The following COG6 variants were observed in gnomAD, a reference collection of about 807,000 sequenced individuals.
COG6 encodes component of oligomeric golgi complex 6, also known as conserved oligomeric Golgi complex subunit 6.
COG6 carries 74 observed loss-of-function variants against 88.8 expected under a neutral mutation model. The observed-to-expected ratio is 0.83, with a 90% CI of 0.69 to 1.01. COG6 has a LOEUF of 1.01. COG6 is among the 50% of genes least tolerant of loss of function. The pLI is 0.00. For missense variants in COG6, 800 were observed against 797.9 expected (o/e 1.00, Z -0.03); for synonymous variants, 286 against 278.7 (o/e 1.03, Z -0.26).
chr13:39,785,051 A>G (rs1226417753), intron 18 of COG6, among the ~76,000 whole-genome samples: 2 of 152,212 alleles, frequency 1.3e-5, no homozygotes, highest in Non-Finnish European at 2.9e-5. Context: ...CAACCGCAAT[A>G]TGCTTCAGCC....
At chr13:39,709,743 ATG>A (rs1470065243) in intron 13 of COG6, among the ~76,000 whole-genome samples, 1 of 152,098 alleles carries the variant, frequency 6.6e-6, no homozygotes, top group Non-Finnish European at 1.5e-5. Context: ...ACAAATATAT[ATG>A]TGTTATATGT....
chr13:39,689,843 A>G lies in COG6; in HGVS notation c.1074+19A>G, dbSNP rs559929265. 1.7e-5 allele frequency: 26 copies of G among 1,515,108 alleles called. No homozygotes were observed. Among genetic ancestry groups the G allele is most frequent in the South Asian group, 1.2e-4 (11 of 88,878 alleles). The allele number at this position is 1,515,108 out of a possible 1,614,324, so 93.9% of individuals were successfully genotyped here. ...TCTAAAGGTAAAATATTTTGTTTTTACATATGCTATATGGTACCTGCTTAA... is the reference window on the plus strand; with the variant it reads ...TCTAAAGGTAAAATATTTTGTTTTTGCATATGCTATATGGTACCTGCTTAA... On this transcript the variant is annotated intron_variant, in intron 11 of 18. Transcript: ENST00000455146.
intron 13 of COG6, among the ~76,000 whole-genome samples, chr13:39,703,857 G>A (rs1247128783): frequency 6.6e-6 from 1 of 151,830 alleles, no homozygotes; most frequent in Non-Finnish European, 1.5e-5. Context: ...CTTCCAAGTA[G>A]CTGGGACTAT....
chr13:39,702,853 A>G (rs1566186640), intron 13 of COG6, among the ~76,000 whole-genome samples: 2 of 152,100 alleles, frequency 1.3e-5, no homozygotes, highest in Non-Finnish European at 2.9e-5. Flanking sequence ...AAAGATCAAT[A>G]TACAAATGTA....
chr13:39,786,812 G>T (rs1427961402), intron 18 of COG6, among the ~76,000 whole-genome samples: 1 of 152,104 alleles, frequency 6.6e-6, no homozygotes, highest in Non-Finnish European at 1.5e-5. Context: ...CTTGTTGGTT[G>T]ACTGATTGAT....
intron 11 of COG6, among the ~76,000 whole-genome samples, chr13:39,692,697 G>A (rs1253406987): frequency 6.6e-6 from 1 of 152,006 alleles, no homozygotes; most frequent in Non-Finnish European, 1.5e-5. Context: ...GGAGAGGAGA[G>A]CCACTGTTCT....
chr13:39,728,722 T>C (rs1311513838), intron 18 of COG6, among the ~76,000 whole-genome samples: 1 of 151,782 alleles, frequency 6.6e-6, no homozygotes, highest in Non-Finnish European at 1.5e-5. Context: ...CAGGCTAGAG[T>C]GCAGTGATCT....
chr13:39,707,654 A>AT (rs2138052198), intron 13 of COG6, among the ~76,000 whole-genome samples: 1 of 152,316 alleles, frequency 6.6e-6, no homozygotes, highest in African/African-American at 2.4e-5. Flanking sequence ...ATGTAAATAG[A>AT]TTCATACAGT....
At chr13:39,778,364 A>G (rs1354691578) in intron 18 of COG6, among the ~76,000 whole-genome samples, 1 of 152,226 alleles carries the variant, frequency 6.6e-6, no homozygotes, top group African/African-American at 2.4e-5. Flanking sequence ...TTAATTCATA[A>G]CAACCAATGA....
Position 39,779,982 on chromosome 13 carries a change from T to C in COG6, c.1827-8353T>C, listed in dbSNP as rs548102136. On this transcript the variant is annotated intron_variant, in intron 18 of 18. Transcript: ENST00000416691. ...AGTATTTCTTAAATTGGAAGAAACT[T>C]GCTGATGGATGAAGAATGAATAGAA... is the stretch of plus-strand genomic sequence containing the variant. 2.6e-5 allele frequency among the ~76,000 whole-genome samples: 4 copies of C among 152,334 alleles called. No homozygotes were observed. The South Asian group carries it at 8.3e-4, about 32-fold the overall frequency.
chr13:39,780,793 G>A (rs1293667278), intron 18 of COG6, among the ~76,000 whole-genome samples: 1 of 152,056 alleles, frequency 6.6e-6, no homozygotes, highest in Non-Finnish European at 1.5e-5. Context: ...CAAGGACCCG[G>A]GCAGAGAAAC....
At chr13:39,713,399 A>G (rs139076430) in intron 13 of COG6, among the ~76,000 whole-genome samples, 1 of 152,314 alleles carries the variant, frequency 6.6e-6, no homozygotes, top group Non-Finnish European at 1.5e-5. Context: ...GATTATGGTT[A>G]GTATAAAGTA....
At chr13:39,714,934 C>A (rs533170989) in intron 13 of COG6, among the ~76,000 whole-genome samples, 1 of 152,124 alleles carries the variant, frequency 6.6e-6, no homozygotes, top group Non-Finnish European at 1.5e-5. Flanking sequence ...GGCCATTATT[C>A]TAAGTGAAGC....
chr13:39,665,716 A>G (rs1875212730), intron 4 of COG6, among the ~76,000 whole-genome samples: 1 of 152,168 alleles, frequency 6.6e-6, no homozygotes, highest in South Asian at 2.1e-4. Context: ...TCATGTGTGG[A>G]GTAGTATAGG....
At chr13:39,664,025 C>G (rs4636783) in intron 3 of COG6, 102,134 of 154,382 alleles carry the variant, frequency 0.66, 33,996 homozygotes, top group Admixed American at 0.77. Context: ...TTATTGACAG[C>G]ATACCTAGAA....
chr13:39,780,538 AAAG>A (rs1479643630), intron 18 of COG6, among the ~76,000 whole-genome samples: 4 of 152,228 alleles, frequency 2.6e-5, no homozygotes, highest in Non-Finnish European at 4.4e-5. Context: ...AGAAATGACA[AAAG>A]AAACCCCATG....
At chr13:39,688,575 A>T (rs1055917320) in intron 10 of COG6, among the ~76,000 whole-genome samples, 1 of 152,042 alleles carries the variant, frequency 6.6e-6, no homozygotes, top group Non-Finnish European at 1.5e-5. Context: ...TTCATGAGAG[A>T]TGCACTCCCA....
intron 18 of COG6, among the ~76,000 whole-genome samples, chr13:39,734,407 T>G (rs992506663): frequency 8.5e-5 from 13 of 152,204 alleles, no homozygotes; most frequent in African/African-American, 1.2e-4. Flanking sequence ...TTGTATACTT[T>G]CCAAAATTAT....
At chr13:39,728,990 T>C (rs1879292168) in intron 18 of COG6, among the ~76,000 whole-genome samples, 2 of 152,210 alleles carry the variant, frequency 1.3e-5, no homozygotes, top group South Asian at 4.1e-4. Context: ...ATTAAATTTT[T>C]AACTGAATAC....
Sources: gnomAD v4.1 joint callset for allele counts (sites outside exome capture counted in the v4.1 genomes callset) on GRCh38, gnomAD v4.1.1 for gene constraint, MANE v1.5 for transcripts, NCBI Gene and HGNC (gene_info 2026-07-23, HGNC 2026-07-21) for gene names.